The following ARHGAP22 variants were observed in gnomAD, a reference collection of about 807,000 sequenced individuals.
ARHGAP22 encodes the protein Rho GTPase activating protein 22.
ARHGAP22 carries 48 observed loss-of-function variants against 59.1 expected under a neutral mutation model. The ratio of observed to expected loss-of-function variants is 0.81; its 90% CI spans 0.64 to 1.03. The LOEUF (loss-of-function observed/expected upper bound fraction) is 1.03. Among genes scored for constraint, ARHGAP22 ranks in the 50% least tolerant of loss-of-function variants. The pLI is 0.00. For synonymous variants in ARHGAP22, 445 were observed against 416.4 expected (o/e 1.07, Z -0.84); for missense variants, 1,015 against 958.7 (o/e 1.06, Z -0.78).
At chr10:48,650,703 A>C (rs11101413) in intron 1 of ARHGAP22, among the ~76,000 whole-genome samples, 28,743 of 152,212 alleles carry the variant, frequency 0.19, 3,267 homozygotes, top group East Asian at 0.29. Flanking sequence ...TTCATCATAG[A>C]AATCTGGTGG....
intron 3 of ARHGAP22, among the ~76,000 whole-genome samples, chr10:48,484,074 G>C (rs2134132351): frequency 6.6e-6 from 1 of 152,296 alleles, no homozygotes; most frequent in South Asian, 2.1e-4. Flanking sequence ...GTGAGAGATG[G>C]GGTCTAGTCT....
In ARHGAP22 at chr10:48,636,975, A is replaced by G. The variant is rs553011421; in HGVS notation, c.52+15259T>C. Among the ~76,000 whole-genome samples, 13 of 152,356 alleles carry G rather than the reference A, an allele frequency of 8.5e-5. No homozygotes were observed. In the South Asian group the frequency reaches 2.5e-3, roughly 29 times the overall value. ...GGGCCGGAGTCTGAGAGGCTTTCTCATGATGGCCAGGACTTTAGCTTCATT... is the reference window on the plus strand; with the variant it reads ...GGGCCGGAGTCTGAGAGGCTTTCTCGTGATGGCCAGGACTTTAGCTTCATT... On this transcript the variant is annotated intron_variant, in intron 1 of 9. Transcript: ENST00000435790.
At chr10:48,476,838 T>C (rs955685187) in intron 4 of ARHGAP22, among the ~76,000 whole-genome samples, 1 of 152,126 alleles carries the variant, frequency 6.6e-6, no homozygotes, top group African/African-American at 2.4e-5. Flanking sequence ...TTGGTGCAGC[T>C]CTTGGACGGG....
At chr10:48,603,066 G>A (rs2060477854) in intron 1 of ARHGAP22, among the ~76,000 whole-genome samples, 1 of 152,198 alleles carries the variant, frequency 6.6e-6, no homozygotes, top group Admixed American at 6.5e-5. Flanking sequence ...GGAACACTGA[G>A]GACTGGAAGA....
chr10:48,511,773 T>C (rs1270071616), intron 3 of ARHGAP22, among the ~76,000 whole-genome samples: 1 of 152,028 alleles, frequency 6.6e-6, no homozygotes, highest in Non-Finnish European at 1.5e-5. Flanking sequence ...AATCCCAGGG[T>C]GGGGTTGCCT....
intron 4 of ARHGAP22, among the ~76,000 whole-genome samples, chr10:48,463,290 T>C (rs1001424594): frequency 6.6e-6 from 1 of 152,350 alleles, no homozygotes; most frequent in Admixed American, 6.5e-5. Flanking sequence ...TCACCTCTTC[T>C]GCTTTGACCT....
chr10:48,452,787 G>C (rs2046110959), intron 8 of ARHGAP22, among the ~76,000 whole-genome samples: 1 of 152,218 alleles, frequency 6.6e-6, no homozygotes, highest in Non-Finnish European at 1.5e-5. Context: ...AGCACAGGCT[G>C]GTTGTAAAGC....
the ARHGAP22 span, chr10:48,439,221 A>G: frequency 6.6e-6 from 1 of 150,880 alleles, no homozygotes; most frequent in Admixed American, 6.6e-5. Flanking sequence ...GGGAATGCTG[A>G]GATCATTATT....
chr10:48,450,724 G>T lies in ARHGAP22; in HGVS notation c.1405C>A (p.Arg469Ser). The T allele has an allele frequency of 6.4e-7, 1 of 1,555,926 alleles. No individual in the cohort carries two copies. Among genetic ancestry groups the T allele is most frequent in the Non-Finnish European group, 8.7e-7 (1 of 1,150,182 alleles). Reference protein sequence around the residue: ...NWLMNGLSSLRGHRRASSGDR... With the variant: ...NWLMNGLSSLSGHRRASSGDR... ...CCCGACGAGGCCCGGCGGTGTCCGC[G>T]CAGGGAGGACAGCCCGTTCATAAGC... Residue 469 changes from arginine (R) to serine (S), a missense_variant, in exon 9 of 10, where the codon CGC (arginine) becomes AGC (serine). Coordinates refer to ENST00000249601, the MANE Select transcript of ARHGAP22 (RefSeq NM_021226.4).
intron 2 of ARHGAP22, among the ~76,000 whole-genome samples, chr10:48,563,842 G>C (rs1487157895): frequency 2.0e-5 from 3 of 152,118 alleles, no homozygotes; most frequent in Non-Finnish European, 2.9e-5. Flanking sequence ...ATTACTTGTT[G>C]AAAGGCTGAT....
upstream of ARHGAP22, among the ~76,000 whole-genome samples, chr10:48,607,278 C>T (rs886753151): frequency 6.6e-6 from 1 of 152,196 alleles, no homozygotes; most frequent in South Asian, 2.1e-4. Context: ...TCACTGTGTT[C>T]ACTCGCCTGC....
chr10:48,622,412 T>C (rs948568325), intron 1 of ARHGAP22, among the ~76,000 whole-genome samples: 1 of 152,216 alleles, frequency 6.6e-6, no homozygotes, highest in Non-Finnish European at 1.5e-5. Context: ...GAGCACCCTC[T>C]TTTTGCTTTT....
intron 5 of ARHGAP22, among the ~76,000 whole-genome samples, chr10:48,458,127 T>C (rs1354170492): frequency 3.3e-5 from 5 of 151,960 alleles, no homozygotes; most frequent in African/African-American, 1.2e-4. Flanking sequence ...AGGGCCACCG[T>C]GGCAGTATGG....
intron 3 of ARHGAP22, among the ~76,000 whole-genome samples, chr10:48,509,814 G>A (rs12761189): frequency 0.03 from 4,612 of 152,264 alleles, 113 homozygotes; most frequent in Middle Eastern, 0.051. Flanking sequence ...GACGCCCGAC[G>A]AGTCATGGAG....
At chr10:48,553,449 T>C (rs982236468) in intron 3 of ARHGAP22, among the ~76,000 whole-genome samples, 6 of 152,232 alleles carry the variant, frequency 3.9e-5, no homozygotes, top group African/African-American at 1.4e-4. Flanking sequence ...GGTCCTCAGA[T>C]GGCCAGATGC....
At chr10:48,527,820 G>C (rs1292163158) in intron 3 of ARHGAP22, among the ~76,000 whole-genome samples, 1 of 152,210 alleles carries the variant, frequency 6.6e-6, no homozygotes, top group African/African-American at 2.4e-5. Context: ...AAGCCGCCTT[G>C]CTCCAGAAGA....
At chr10:48,581,437 T>G (rs2059116722) in intron 2 of ARHGAP22, among the ~76,000 whole-genome samples, 1 of 152,248 alleles carries the variant, frequency 6.6e-6, no homozygotes. Flanking sequence ...GCTAGCATGC[T>G]AGGTCTCATT....
intron 8 of ARHGAP22, 65 bp downstream of exon 8, chr10:48,453,239 C>T: frequency 6.2e-7 from 1 of 1,604,288 alleles, no homozygotes; most frequent in African/African-American, 1.3e-5. Flanking sequence ...CAAGGACTTG[C>T]CGTGGACCAA....
At chr10:48,584,615 G>T (rs1353064403) in intron 1 of ARHGAP22, among the ~76,000 whole-genome samples, 1 of 152,226 alleles carries the variant, frequency 6.6e-6, no homozygotes, top group African/African-American at 2.4e-5. Flanking sequence ...AGGAACAGAC[G>T]TAAGTCATGG....
Sources: gnomAD v4.1 joint callset for allele counts (sites outside exome capture counted in the v4.1 genomes callset) on GRCh38, gnomAD v4.1.1 for gene constraint, MANE v1.5 for transcripts, NCBI Gene and HGNC (gene_info 2026-07-23, HGNC 2026-07-21) for gene names.